MYOM2: variants seen among roughly 807,000 people sequenced by gnomAD.
The protein encoded by MYOM2 is myomesin 2, also known as myomesin-2.
In MYOM2, 254 loss-of-function variants were observed where a neutral mutation model predicts 187.6. That is an observed-to-expected ratio of 1.35 (90% CI 1.22 to 1.50). The LOEUF (loss-of-function observed/expected upper bound fraction) is 1.50, where lower values mean the gene tolerates loss of function less well. Among genes scored for constraint, MYOM2 ranks in the 40% most tolerant of loss-of-function variants. MYOM2 has a pLI of 0.00. For missense variants in MYOM2, 2,796 were observed against 1,924.0 expected (o/e 1.45, Z -8.48); for synonymous variants, 981 against 753.8 (o/e 1.30, Z -4.94).
chr8:2,064,498 G>T (rs912156493), intron 6 of MYOM2, among the ~76,000 whole-genome samples: 1 of 152,102 alleles, frequency 6.6e-6, no homozygotes, highest in East Asian at 1.9e-4. Flanking sequence ...CTTTACAGAA[G>T]GAAGGAGAGC....
At chr8:2,121,298 T>C (rs1209094862) in intron 28 of MYOM2, among the ~76,000 whole-genome samples, 1 of 152,102 alleles carries the variant, frequency 6.6e-6, no homozygotes, top group Non-Finnish European at 1.5e-5. Context: ...GTTGTTGGTA[T>C]TGTTGTTCTG....
intron 25 of MYOM2, among the ~76,000 whole-genome samples, chr8:2,113,214 C>T (rs924299434): frequency 1.2e-4 from 19 of 152,226 alleles, no homozygotes; most frequent in South Asian, 4.1e-4. Context: ...TGGATTCCCT[C>T]GACGCCATCG....
In MYOM2 at chr8:2,116,033, A is replaced by G; in HGVS notation, c.3254A>G (p.Glu1085Gly). 6.2e-7 allele frequency: 1 copy of G among 1,613,986 alleles called. No individual in the cohort carries two copies. Among genetic ancestry groups the G allele is most frequent in the South Asian group, 1.1e-5 (1 of 91,062 alleles). ...ATGGATCGATTTAGTATTGAAAATGAGGGGACCTACACTGTGCAGATTCAT... is the reference window on the plus strand; with the variant it reads ...ATGGATCGATTTAGTATTGAAAATGGGGGGACCTACACTGTGCAGATTCAT... ...MVMDRFSIENEGTYTVQIHDG... is the reference protein window; with the variant it reads ...MVMDRFSIENGGTYTVQIHDG... Residue 1085 changes from glutamate (E) to glycine (G), a missense_variant, in exon 26 of 37, where the codon GAG becomes GGG. By Grantham distance (98) the Glu-to-Gly change is moderately conservative. Coordinates refer to ENST00000262113, the MANE Select transcript of MYOM2 (RefSeq NM_003970.4).
chr8:2,115,164 C>T (rs1212431479), intron 25 of MYOM2, among the ~76,000 whole-genome samples: 1 of 144,180 alleles, frequency 6.9e-6, no homozygotes, highest in Non-Finnish European at 1.5e-5. Flanking sequence ...AGGCAACCAG[C>T]AAAAAAAAAA....
In MYOM2 at chr8:2,056,455, G is replaced by A. The variant is rs114628225; in HGVS notation, c.264-893G>A. Among the ~76,000 whole-genome samples, 1,004 of 152,072 alleles carry A rather than the reference G, an allele frequency of 6.6e-3. 11 individuals are homozygous for A. The highest frequency in any genetic ancestry group is 0.023 in the African/African-American group (962 of 41,332). ...CAGAGCATGGAGGCAGGCCAGGCCT[G>A]GCCGTGTTGGGGTGCGATTTGTGGG... On this transcript the variant is annotated intron_variant, in intron 3 of 36. Transcript: ENST00000262113.
In MYOM2 at chr8:2,054,722, A is replaced by G. The variant is rs151249774; in HGVS notation, c.263+2409A>G. ...AGAGGACATCTGAACCTTTAAACTC[A>G]TCACAGTGCTGCGTGGCGCAGACCA... is the stretch of plus-strand genomic sequence containing the variant. On this transcript the variant is annotated intron_variant, in intron 3 of 36. Coordinates refer to ENST00000262113, the MANE Select transcript of MYOM2 (RefSeq NM_003970.4). Among the ~76,000 whole-genome samples the G allele has an allele frequency of 4.3e-3, 662 of 152,358 alleles. 2 individuals carry two copies. The highest frequency in any genetic ancestry group is 7.0e-3 in the Non-Finnish European group (474 of 68,034).
At chr8:2,116,434 T>C (rs1797247766) in intron 27 of MYOM2, among the ~76,000 whole-genome samples, 159 bp downstream of exon 27, 1 of 152,228 alleles carries the variant, frequency 6.6e-6, no homozygotes, top group Admixed American at 6.5e-5. Flanking sequence ...GAAAGGAACC[T>C]GCTTTATAGC....
chr8:2,096,531 CAG>C, intron 18 of MYOM2, 97 bp downstream of exon 18: 1 of 1,160,874 alleles, frequency 8.6e-7, no homozygotes, highest in Non-Finnish European at 1.2e-6. Flanking sequence ...TAGTTTGATA[CAG>C]ACACAAAAAT....
In MYOM2 at chr8:2,141,146, G is replaced by A; in HGVS notation, c.3970G>A (p.Asp1324Asn). Residue 1324 changes from aspartate (D) to asparagine (N), a missense_variant, in exon 34 of 37, where the codon GAT (aspartate) becomes AAT (asparagine). Physicochemically the swap from Asp to Asn is conservative, Grantham distance 23. Transcript: ENST00000262113. ...TATGAACTATTTCCTCACAGCTTTT[G>A]ATGAAGCATTTGCAGAATTCCAGCA... ...RSLDLSGQAF[D>N]EAFAEFQQFK... 6.2e-7 allele frequency: 1 copy of A among 1,611,938 alleles called. No individual in the cohort carries two copies. The highest frequency in any genetic ancestry group is 8.5e-7 in the Non-Finnish European group (1 of 1,178,438).
At position 2,073,319 on chromosome 8, in the gene MYOM2, C is replaced by G. The variant is rs1215957791; in HGVS notation, c.959-20C>G. On this transcript the variant is annotated intron_variant, in intron 9 of 36. Coordinates refer to ENST00000262113, the MANE Select transcript of MYOM2 (RefSeq NM_003970.4). ...TGGGGTGATTTTGGATGCAAACCTTCCGTGTTAACGCTCTTTCAGACGTGC... is the reference window on the plus strand; with the variant it reads ...TGGGGTGATTTTGGATGCAAACCTTGCGTGTTAACGCTCTTTCAGACGTGC... 14 of 1,586,072 alleles carry G rather than the reference C, an allele frequency of 8.8e-6. No homozygotes were observed. The African/African-American group carries it at 1.1e-4, about 12-fold the overall frequency.
chr8:2,145,170 G>A lies in MYOM2; in HGVS notation c.*189G>A. 1 of 650,912 alleles carries A rather than the reference G, an allele frequency of 1.5e-6. No homozygotes were observed. Among genetic ancestry groups the A allele is most frequent in the Non-Finnish European group, 2.6e-6 (1 of 386,416 alleles). 40.3% of individuals were successfully genotyped at this position (650,912 alleles called of 1,614,324 possible). ...TACCCGTCTAAGGGAGAAAGCTAAT[G>A]TTTTCCACAAGACTGAACAACGTGT... On this transcript the variant is annotated 3_prime_UTR_variant, in exon 37 of 37. Coordinates refer to ENST00000262113, the MANE Select transcript of MYOM2 (RefSeq NM_003970.4).
At chr8:2,141,226 C>G in intron 34 of MYOM2, 49 bp downstream of exon 34, 1 of 1,554,784 alleles carries the variant, frequency 6.4e-7, no homozygotes, top group Non-Finnish European at 8.8e-7. Flanking sequence ...GCAGTTGAGT[C>G]CCAGTCGTTT....
rs767925985 is a variant in MYOM2, at chr8:2,076,150, C to G, written c.1130C>G (p.Pro377Arg). Residue 377 changes from proline to arginine, a missense_variant, in exon 11 of 37, where the codon CCG becomes CGG. Transcript: ENST00000262113. ...SAFLFVRDAD[P>R]LVTGAPGAPM... Reference sequence around the variant, plus strand: ...CTCTCCCTGCCCCAAGATGCTGACCCGCTGGTCACAGGGGCCCCCGGTGCA... The same window carrying G: ...CTCTCCCTGCCCCAAGATGCTGACCGGCTGGTCACAGGGGCCCCCGGTGCA... 3.1e-6 allele frequency: 5 copies of G among 1,611,864 alleles called. No homozygotes were observed. The highest frequency in any genetic ancestry group is 3.4e-6 in the Non-Finnish European group (4 of 1,179,620).
Position 2,090,018 on chromosome 8 carries a change from G to C in MYOM2, c.1655G>C (p.Gly552Ala). 1 of 1,613,798 alleles carries C rather than the reference G, an allele frequency of 6.2e-7. No individual in the cohort carries two copies. Among genetic ancestry groups the C allele is most frequent in the Non-Finnish European group, 8.5e-7 (1 of 1,179,876 alleles). ...TGTTTCTCTTTGTAGTCCGTGGTGG[G>C]GAGCGGCAGCTGGCAGAGAGTCAAC... Reference protein sequence around the residue: ...LMYFIEKSVVGSGSWQRVNAQ... With the variant: ...LMYFIEKSVVASGSWQRVNAQ... Residue 552 changes from glycine (G) to alanine (A), a missense_variant, in exon 15 of 37, where the codon GGG becomes GCG. Physicochemically the swap from Gly to Ala is moderately conservative, Grantham distance 60 (BLOSUM62 0). Transcript: ENST00000262113.
At chr8:2,076,801 T>C (rs944623249) in intron 11 of MYOM2, among the ~76,000 whole-genome samples, 39 of 152,370 alleles carry the variant, frequency 2.6e-4, no homozygotes, top group African/African-American at 8.9e-4. Context: ...GAGTTTGTGT[T>C]TGAGTTGATA....
At position 2,143,822 on chromosome 8, in the gene MYOM2, C is replaced by A. The variant is rs74606534; in HGVS notation, c.4080+366C>A. On this transcript the variant is annotated intron_variant, in intron 36 of 36. Coordinates refer to ENST00000262113, the MANE Select transcript of MYOM2 (RefSeq NM_003970.4). ...AGCCACACTCGCCCTGACCTACCTGCGTGTGTGAAGGTGCAAGCCCCCTGC... is the reference window on the plus strand; with the variant it reads ...AGCCACACTCGCCCTGACCTACCTGAGTGTGTGAAGGTGCAAGCCCCCTGC... Among the ~76,000 whole-genome samples the A allele has an allele frequency of 2.0e-5, 3 of 152,100 alleles. No individual in the cohort carries two copies. The East Asian group carries it at 5.8e-4, about 29-fold the overall frequency.
At chr8:2,049,829 A>G (rs1295890677) in intron 1 of MYOM2, among the ~76,000 whole-genome samples, 2 of 152,160 alleles carry the variant, frequency 1.3e-5, no homozygotes, top group African/African-American at 4.8e-5. Context: ...GCAGATTGCC[A>G]TGTCTAATAC....
intron 15 of MYOM2, among the ~76,000 whole-genome samples, chr8:2,091,510 C>G (rs374374357): frequency 6.6e-6 from 1 of 152,180 alleles, no homozygotes; most frequent in Non-Finnish European, 1.5e-5. Context: ...GAAGCCTTCA[C>G]GGGAGGCACA....
chr8:2,122,687 GA>G lies in MYOM2; in HGVS notation c.3454-563del, dbSNP rs149892089. ...CCCTCAGACCAATGCCGGAGCATGT[GA>G]ATTGGAATGCTCATTTATCTTCGGA... is the stretch of plus-strand genomic sequence containing the variant. On this transcript the variant is annotated intron_variant, in intron 28 of 36. Transcript: ENST00000262113. 8.1e-3 allele frequency among the ~76,000 whole-genome samples: 1,233 copies of G among 152,332 alleles called. 17 individuals are homozygous for G. Among genetic ancestry groups the G allele is most frequent in the African/African-American group, 0.027 (1,131 of 41,574 alleles).
Sources: gnomAD v4.1 joint callset for allele counts (sites outside exome capture counted in the v4.1 genomes callset) on GRCh38, gnomAD v4.1.1 for gene constraint, MANE v1.5 for transcripts, NCBI Gene and HGNC (gene_info 2026-07-23, HGNC 2026-07-21) for gene names.